Variants in CFH observed in about 807,000 individuals in gnomAD.
The protein encoded by CFH is complement factor H.
A neutral mutation model predicts 147.3 loss-of-function variants in CFH; 53 were observed. The ratio of observed to expected loss-of-function variants is 0.36; its 90% CI spans 0.29 to 0.45. The LOEUF (loss-of-function observed/expected upper bound fraction) is 0.45, where lower values mean the gene tolerates loss of function less well. CFH is among the 20% of genes least tolerant of loss of function. The pLI, the probability that CFH is intolerant of heterozygous loss-of-function variation, is 1.00. For missense variants in CFH, 1,380 were observed against 1,498.0 expected, an observed-to-expected ratio of 0.92 and a Z score of 1.30; for synonymous variants, 536 against 489.4, an observed-to-expected ratio of 1.10 and a Z score of -1.26.
chr1:196,687,320 A>G (rs1475352622), intron 7 of CFH, among the ~76,000 whole-genome samples: 1 of 152,064 alleles, frequency 6.6e-6, no homozygotes, highest in Non-Finnish European at 1.5e-5. Flanking sequence ...AGCGCTGATG[A>G]GACTCTCTGT....
intron 7 of CFH, among the ~76,000 whole-genome samples, chr1:196,685,767 C>A (rs1202351131): frequency 6.6e-6 from 1 of 151,994 alleles, no homozygotes; most frequent in South Asian, 2.1e-4. Flanking sequence ...TGTCAGGAGG[C>A]CTCAGGTCCT....
chr1:196,704,162 C>G (rs988966911), intron 9 of CFH, among the ~76,000 whole-genome samples: 1 of 152,020 alleles, frequency 6.6e-6, no homozygotes, highest in Non-Finnish European at 1.5e-5. Context: ...ACTGCAACCT[C>G]TGGCTCACTG....
chr1:196,696,680 A>G (rs529184540), intron 9 of CFH, among the ~76,000 whole-genome samples: 1 of 152,354 alleles, frequency 6.6e-6, no homozygotes, highest in South Asian at 2.1e-4. Context: ...GAACCAAGAA[A>G]GAGCCCGCAT....
At chr1:196,744,714 T>C (rs1356473665) in intron 20 of CFH, among the ~76,000 whole-genome samples, 1 of 152,202 alleles carries the variant, frequency 6.6e-6, no homozygotes, top group Non-Finnish European at 1.5e-5. Context: ...ATATCGAACA[T>C]AATTGAAAAA....
chr1:196,696,149 A>G (rs1668258389), intron 9 of CFH, among the ~76,000 whole-genome samples: 1 of 152,044 alleles, frequency 6.6e-6, no homozygotes, highest in South Asian at 2.1e-4. Context: ...CTCCACCAGA[A>G]GTCAAGTGTT....
chr1:196,721,138 T>C lies in CFH; in HGVS notation c.1697-3983T>C, dbSNP rs574044822. On this transcript the variant is annotated intron_variant, in intron 11 of 21. Transcript: ENST00000367429. ...TCTCTTCATATCCTTTGTCCACTTT[T>C]TCATGGGATTATTATTTTTTTTTCT... 1.1e-4 allele frequency among the ~76,000 whole-genome samples: 17 copies of C among 149,620 alleles called. No individual in the cohort carries two copies. In the South Asian group the frequency reaches 3.6e-3, roughly 32 times the overall value.
intron 1 of CFH, among the ~76,000 whole-genome samples, chr1:196,654,472 G>A (rs897912932): frequency 2.0e-5 from 3 of 152,034 alleles, no homozygotes; most frequent in Non-Finnish European, 2.9e-5. Flanking sequence ...GTCACTGCAG[G>A]CTACTAAGAA....
intron 9 of CFH, among the ~76,000 whole-genome samples, chr1:196,692,746 TTTTCTTTC>T (rs765086697): frequency 0.092 from 3,810 of 41,488 alleles, 228 homozygotes; most frequent in Non-Finnish European, 0.11. Flanking sequence ...CTTCCTTTCT[TTTTCTTTC>T]TTTCTTTCTT....
Position 196,713,854 on chromosome 1 carries a change from G to C in CFH, c.1456G>C (p.Gly486Arg). Residue 486 changes from glycine (G) to arginine (R), a missense_variant, in exon 10 of 22, where the codon GGT (glycine) becomes CGT (arginine). This residue lies in a region of CFH where 830 missense variants were observed against 821.4 expected (regional missense o/e 1.01). Coordinates refer to ENST00000367429, the MANE Select transcript of CFH (RefSeq NM_000186.4). ...QCKLGYVTAD[G>R]ETSGSITCGK... is the part of the protein sequence containing the mutation. ...CAAACTAGGATATGTAACAGCAGAT[G>C]GTGAAACATCAGGATCAATTACATG... The C allele has an allele frequency of 5.0e-6, 8 of 1,612,710 alleles. No individual in the cohort carries two copies. Among genetic ancestry groups the C allele is most frequent in the Non-Finnish European group, 6.8e-6 (8 of 1,179,202 alleles).
chr1:196,727,059 T>C (rs1260338281), intron 14 of CFH, 119 bp downstream of exon 14: 1 of 843,762 alleles, frequency 1.2e-6, no homozygotes, highest in Non-Finnish European at 2.0e-6. Context: ...CAGTCTTCAA[T>C]ATGAGACCAA....
chr1:196,698,314 G>T (rs781748074), intron 9 of CFH, among the ~76,000 whole-genome samples: 1 of 151,704 alleles, frequency 6.6e-6, no homozygotes, highest in Non-Finnish European at 1.5e-5. Flanking sequence ...GATTAACAAA[G>T]TACACTACTA....
Position 196,690,159 on chromosome 1 carries a change from G to T in CFH, c.1256G>T (p.Gly419Val). The T allele has an allele frequency of 6.2e-7, 1 of 1,613,392 alleles. No homozygotes were observed. The highest frequency in any genetic ancestry group is 8.5e-7 in the Non-Finnish European group (1 of 1,179,652). The change falls in exon 9 of 22, where the codon GGC becomes GTC. Residue 419 changes from glycine (G) to valine (V), a missense_variant. By Grantham distance (109) the Gly-to-Val change is moderately radical (BLOSUM62 -3). This residue lies in a region of CFH where 830 missense variants were observed against 821.4 expected (regional missense o/e 1.01). Transcript: ENST00000367429. Reference sequence around the variant, plus strand: ...TCTATAGACGTTGCCTGCCATCCTGGCTACGCTCTTCCAAAAGCGCAGACC... The same window carrying T: ...TCTATAGACGTTGCCTGCCATCCTGTCTACGCTCTTCCAAAAGCGCAGACC... ...GKSIDVACHP[G>V]YALPKAQTTV...
rs771053465 is a variant in CFH at position 196,728,540 on chromosome 1, T to A, written c.2413+18T>A. ...CTGCTCAAGTAAGCTCTTATTTTGT[T>A]TTCAGAAATGTATTCTATTTCTCAT... On this transcript the variant is annotated intron_variant, in intron 15 of 21. Transcript: ENST00000367429. 9.3e-6 allele frequency: 15 copies of A among 1,610,414 alleles called. No homozygotes were observed. Among genetic ancestry groups the A allele is most frequent in the Non-Finnish European group, 7.6e-6 (9 of 1,177,338 alleles).
intron 15 of CFH, among the ~76,000 whole-genome samples, chr1:196,734,585 A>G (rs1001296977): frequency 7.9e-5 from 12 of 151,938 alleles, no homozygotes; most frequent in African/African-American, 2.4e-4. Flanking sequence ...GGGTTGCAGG[A>G]GGCTTTGAAC....
At chr1:196,675,748 T>C (rs949277414) in intron 3 of CFH, among the ~76,000 whole-genome samples, 1 of 151,986 alleles carries the variant, frequency 6.6e-6, no homozygotes, top group Admixed American at 6.6e-5. Context: ...GTTAAGAGAT[T>C]TTTCATCTAT....
chr1:196,701,960 A>T lies in CFH; in HGVS notation c.1336+11721A>T, dbSNP rs141616251. Among the ~76,000 whole-genome samples, 461 of 152,318 alleles carry T rather than the reference A, an allele frequency of 3.0e-3. 6 individuals are homozygous for T. Among genetic ancestry groups the T allele is most frequent in the African/African-American group, 0.011 (439 of 41,576 alleles). On this transcript the variant is annotated intron_variant, in intron 9 of 21. Transcript: ENST00000367429. ...TCTCATGCTTACAGTACGATCCTGT[A>T]GCTAGATTTGTTTTGTAAGAAGGAA...
chr1:196,737,915 T>C (rs1325829990), intron 17 of CFH, among the ~76,000 whole-genome samples: 1 of 152,186 alleles, frequency 6.6e-6, no homozygotes, highest in African/African-American at 2.4e-5. Flanking sequence ...ATTATTCTCA[T>C]GCTGCCATAA....
At position 196,677,564 on chromosome 1, in the gene CFH, A is replaced by G. The variant is rs774433589; in HGVS notation, c.516A>G (p.Gln172=). 2 of 1,613,394 alleles carry G rather than the reference A, an allele frequency of 1.2e-6. No individual in the cohort carries two copies. The highest frequency in any genetic ancestry group is 1.7e-6 in the Non-Finnish European group (2 of 1,179,506). Reference sequence around the variant, plus strand: ...CAGATCGGGAATACCATTTTGGACAAGCAGTACGGTTTGTATGTAACTCAG... The same window carrying G: ...CAGATCGGGAATACCATTTTGGACAGGCAGTACGGTTTGTATGTAACTCAG... ...MEPDREYHFG[Q]AVRFVCNSGY... is the part of the protein sequence containing the mutation. The change falls in exon 5 of 22, where the codon CAA becomes CAG. Residue 172 remains glutamine, a synonymous_variant. Coordinates refer to ENST00000367429, the MANE Select transcript of CFH (RefSeq NM_000186.4).
intron 17 of CFH, among the ~76,000 whole-genome samples, chr1:196,739,627 C>A (rs993848054): frequency 2.6e-5 from 4 of 152,176 alleles, no homozygotes; most frequent in African/African-American, 7.2e-5. Flanking sequence ...ATTCAACAAG[C>A]CTCTAGGAAG....
Sources: gnomAD v4.1 joint callset for allele counts (sites outside exome capture counted in the v4.1 genomes callset) on GRCh38, gnomAD v4.1.1 for gene constraint, gnomAD v4.1.1 regional missense constraint, MANE v1.5 for transcripts, NCBI Gene and HGNC (gene_info 2026-07-23, HGNC 2026-07-21) for gene names.